The following SPOP variants were observed in gnomAD, a reference collection of about 807,000 sequenced individuals.
The protein encoded by SPOP is speckle type BTB/POZ protein.
Under a neutral mutation model 45.6 loss-of-function variants are expected in SPOP, and 11 were observed. The ratio of observed to expected loss-of-function variants is 0.24; its 90% CI spans 0.15 to 0.40. SPOP has a LOEUF of 0.40. Ranked by LOEUF, SPOP falls within the 10% of genes least tolerant of loss-of-function variation. The pLI, the probability that SPOP is intolerant of heterozygous loss-of-function variation, is 1.00. For missense variants in SPOP, 152 were observed against 465.6 expected (o/e 0.33, Z 6.20); for synonymous variants, 166 against 166.3 (o/e 1.00, Z 0.01).
At chr17:49,608,972 G>C (rs1029290915) in intron 6 of SPOP, among the ~76,000 whole-genome samples, 1 of 151,586 alleles carries the variant, frequency 6.6e-6, no homozygotes, top group Non-Finnish European at 1.5e-5. Context: ...GCAGTGGCAT[G>C]ATCTTGGCTC....
intron 1 of SPOP, among the ~76,000 whole-genome samples, chr17:49,631,187 G>A (rs151323824): frequency 1.9e-4 from 29 of 152,214 alleles, no homozygotes; most frequent in African/African-American, 6.3e-4. Context: ...TCACTGTGGG[G>A]ACTATTTATA....
chr17:49,622,145 T>C (rs1420588023), intron 2 of SPOP, 78 bp from the exon 3 acceptor site: 5 of 1,531,788 alleles, frequency 3.3e-6, no homozygotes, highest in Non-Finnish European at 4.5e-6. Flanking sequence ...AGATTATCAT[T>C]TCCCCTCCCT....
intron 1 of SPOP, among the ~76,000 whole-genome samples, chr17:49,637,429 C>A (rs2072561976): frequency 6.6e-6 from 1 of 152,224 alleles, no homozygotes; most frequent in Non-Finnish European, 1.5e-5. Flanking sequence ...CAGCCCACTG[C>A]AACCTCCACC....
chr17:49,615,965 T>C (rs1262176800), intron 5 of SPOP, among the ~76,000 whole-genome samples: 1 of 152,132 alleles, frequency 6.6e-6, no homozygotes, highest in African/African-American at 2.4e-5. Context: ...ATTCAGGAAA[T>C]GCTTTGGAAA....
chr17:49,675,721 G>A (rs2073190364), intron 1 of SPOP, among the ~76,000 whole-genome samples: 1 of 152,128 alleles, frequency 6.6e-6, no homozygotes, highest in African/African-American at 2.4e-5. Flanking sequence ...TAGACAAAAT[G>A]TTTCTAGAAA....
intron 1 of SPOP, among the ~76,000 whole-genome samples, chr17:49,652,465 G>C (rs1162727489): frequency 1.3e-5 from 2 of 152,188 alleles, no homozygotes; most frequent in African/African-American, 2.4e-5. Context: ...TGTGTGGTTT[G>C]AATAAGGAGA....
chr17:49,657,696 C>CTT (rs34194099), intron 1 of SPOP, among the ~76,000 whole-genome samples: 102 of 100,952 alleles, frequency 1.0e-3, no homozygotes, highest in East Asian at 2.7e-3. Context: ...CGCACCCGGC[C>CTT]TTTTTTTTTT....
chr17:49,623,816 C>T (rs769117462), intron 1 of SPOP, among the ~76,000 whole-genome samples: 5 of 152,106 alleles, frequency 3.3e-5, no homozygotes, highest in African/African-American at 7.2e-5. Context: ...AGATTATCTT[C>T]GTCCACTGTT....
At position 49,619,192 on chromosome 17, in the gene SPOP, G is replaced by GA; in HGVS notation, c.352+41_352+42insT. The GA allele has an allele frequency of 6.2e-7, 1 of 1,613,850 alleles. No homozygotes were observed. Among genetic ancestry groups the GA allele is most frequent in the African/African-American group, 1.3e-5 (1 of 74,998 alleles). ...CAACTTGTCAGTGTATGAAACTTCTGGATGTGAAACTTAAGAGTTGAACAA... is the reference window on the plus strand; with the variant it reads ...CAACTTGTCAGTGTATGAAACTTCTGAGATGTGAAACTTAAGAGTTGAACAA... On this transcript the variant is annotated intron_variant, in intron 4 of 9. Transcript: ENST00000504102. This position sits in a 1 kb window ranked among gnomAD's most constrained non-coding sequence, Gnocchi z 4.9.
intron 1 of SPOP, among the ~76,000 whole-genome samples, chr17:49,633,080 C>T (rs1480490578): frequency 1.3e-5 from 2 of 152,138 alleles, no homozygotes; most frequent in Non-Finnish European, 2.9e-5. Context: ...TAAGGAAAAC[C>T]TAGAAACAAG....
chr17:49,645,238 T>C (rs565440063), intron 1 of SPOP, among the ~76,000 whole-genome samples: 6 of 152,182 alleles, frequency 3.9e-5, no homozygotes, highest in Non-Finnish European at 8.8e-5. Flanking sequence ...TGGGGTTCCT[T>C]AAGCAGAGAA....
chr17:49,644,658 G>C (rs1330212407), intron 1 of SPOP, among the ~76,000 whole-genome samples: 1 of 152,108 alleles, frequency 6.6e-6, no homozygotes, highest in Non-Finnish European at 1.5e-5. Flanking sequence ...ACCTAGATCT[G>C]AATCTACCAA....
chr17:49,617,843 G>C (rs1248431792), intron 5 of SPOP, among the ~76,000 whole-genome samples: 1 of 148,390 alleles, frequency 6.7e-6, no homozygotes, highest in African/African-American at 2.5e-5. Flanking sequence ...AGAATCACTT[G>C]AATCTGGGAG....
intron 1 of SPOP, among the ~76,000 whole-genome samples, chr17:49,633,573 A>AG (rs2072490357): frequency 6.6e-6 from 1 of 152,252 alleles, no homozygotes; most frequent in Non-Finnish European, 1.5e-5. Context: ...AAGTTAAGTT[A>AG]GGGCAGGGGG....
At position 49,601,903 on chromosome 17, in the gene SPOP, T is replaced by C. The variant is rs770620764; in HGVS notation, c.942A>G (p.Ala314=). The change falls in exon 9 of 10, where the codon GCA becomes GCG. Residue 314 remains alanine, a synonymous_variant. Transcript: ENST00000504102. ...CCACTGCCTGAGTTTTCAACTGATC[T>C]GCACTGTGGAGGTCGGCCAGGATGA... is the stretch of plus-strand genomic sequence containing the variant. ...EILILADLHS[A]DQLKTQAVDF... 11 of 1,614,074 alleles carry C rather than the reference T, an allele frequency of 6.8e-6. No homozygotes were observed. Among genetic ancestry groups the C allele is most frequent in the Admixed American group, 5.0e-5 (3 of 60,008 alleles).
intron 1 of SPOP, among the ~76,000 whole-genome samples, chr17:49,665,694 A>ACACACACACACACC (rs1225412700): frequency 2.1e-5 from 3 of 142,084 alleles, no homozygotes; most frequent in Non-Finnish European, 4.6e-5. Context: ...ACACACACAC[A>ACACACACACACACC]CCAATCTGGC....
At chr17:49,640,924 C>T (rs1385777888) in intron 1 of SPOP, among the ~76,000 whole-genome samples, 1 of 152,148 alleles carries the variant, frequency 6.6e-6, no homozygotes, top group East Asian at 1.9e-4. Context: ...ATTGCTAAGA[C>T]TTTCCTTGTC....
intron 1 of SPOP, among the ~76,000 whole-genome samples, chr17:49,651,166 G>C (rs2072839116): frequency 6.6e-6 from 1 of 152,138 alleles, no homozygotes; most frequent in African/African-American, 2.4e-5. Flanking sequence ...CAGGATATTG[G>C]GTCCAATAAT....
chr17:49,663,180 G>A (rs570847731), intron 1 of SPOP, among the ~76,000 whole-genome samples: 1 of 152,346 alleles, frequency 6.6e-6, no homozygotes, highest in East Asian at 1.9e-4. Flanking sequence ...ATTACTGCCT[G>A]AGCTGTGCCT....
Sources: allele counts gnomAD v4.1 joint callset (sites outside exome capture counted in the v4.1 genomes callset), GRCh38; gene constraint gnomAD v4.1.1; non-coding constraint Gnocchi (gnomAD v3.1); transcripts MANE v1.5; gene names NCBI Gene and HGNC (gene_info 2026-07-23, HGNC 2026-07-21).